INTS2: variants seen among roughly 807,000 people sequenced by gnomAD.
INTS2 encodes the protein integrator complex subunit 2, also known as KIAA1287.
INTS2 carries 57 observed loss-of-function variants against 139.6 expected under a neutral mutation model. The observed-to-expected ratio is 0.41, with a 90% confidence interval of 0.33 to 0.51. The LOEUF (loss-of-function observed/expected upper bound fraction) is 0.51. Among genes scored for constraint, INTS2 ranks in the 20% least tolerant of loss-of-function variants. The pLI, the probability that INTS2 is intolerant of heterozygous loss-of-function variation, is 0.28. For missense variants in INTS2, 1,196 were observed against 1,436.7 expected, an observed-to-expected ratio of 0.83 and a Z score of 2.71; for synonymous variants, 473 against 493.4, an observed-to-expected ratio of 0.96 and a Z score of 0.55.
chr17:61,900,672 A>C (rs1029181238), intron 9 of INTS2, among the ~76,000 whole-genome samples: 8 of 152,088 alleles, frequency 5.3e-5, no homozygotes, highest in African/African-American at 1.9e-4. Context: ...AAATATGAAC[A>C]ATCGGCCAGA....
intron 14 of INTS2, 142 bp from the exon 15 acceptor site, chr17:61,890,036 T>C: frequency 3.4e-6 from 2 of 591,534 alleles, no homozygotes; most frequent in South Asian, 3.8e-5. Flanking sequence ...TTGCTGTGTG[T>C]GTATTAAACT....
At chr17:61,923,425 C>G (rs71375125) in intron 3 of INTS2, among the ~76,000 whole-genome samples, 2 of 133,700 alleles carry the variant, frequency 1.5e-5, no homozygotes, top group East Asian at 4.7e-4. Flanking sequence ...TGCAGTGAGC[C>G]GAGATTGTGC....
At chr17:61,890,658 T>G (rs1289693125) in intron 14 of INTS2, among the ~76,000 whole-genome samples, 1 of 150,874 alleles carries the variant, frequency 6.6e-6, no homozygotes, top group Non-Finnish European at 1.5e-5. Flanking sequence ...GTATCTTAGA[T>G]TCCCAGGATG....
rs1375574236 is a variant in INTS2 at position 61,876,540 on chromosome 17, G to A, written c.2456+1347C>T. 6.6e-6 allele frequency among the ~76,000 whole-genome samples: 1 copy of A among 151,994 alleles called. No homozygotes were observed. The highest frequency in any genetic ancestry group is 2.4e-5 in the African/African-American group (1 of 41,380). On this transcript the variant is annotated intron_variant, in intron 18 of 24. Coordinates refer to ENST00000251334, the MANE Select transcript of INTS2 (RefSeq NM_001351695.2). The surrounding 1 kb of genome is among the most constrained non-coding windows in gnomAD (Gnocchi z 4.1). ...TGAAGCCTCCATCTCCTGGGCTCAAGCGATCGTCCTGCCTCAGCCCACCAA... is the reference window on the plus strand; with the variant it reads ...TGAAGCCTCCATCTCCTGGGCTCAAACGATCGTCCTGCCTCAGCCCACCAA...
intron 17 of INTS2, among the ~76,000 whole-genome samples, chr17:61,879,280 T>C (rs1425204954): frequency 6.6e-6 from 1 of 152,058 alleles, no homozygotes; most frequent in Non-Finnish European, 1.5e-5. Flanking sequence ...TTTTGATAGC[T>C]AACATTTATT....
chr17:61,870,049 GATTTT>G lies in INTS2; in HGVS notation c.2779-66_2779-62del. 1 of 1,445,336 alleles carries G rather than the reference GATTTT, an allele frequency of 6.9e-7. No individual in the cohort carries two copies. The highest frequency in any genetic ancestry group is 1.3e-5 in the South Asian group (1 of 77,532). 89.5% of individuals were successfully genotyped at this position (1,445,336 alleles called of 1,614,324 possible). On this transcript the variant is annotated intron_variant, in intron 20 of 24. Transcript: ENST00000251334. The surrounding 1 kb of genome is among the most constrained non-coding windows in gnomAD (Gnocchi z 4.4). ...TTCTAAGAAGTTAAAAAACAAATCA[GATTTT>G]ATTTTCACATGAACAGATATGATAA...
At chr17:61,874,785 G>T in intron 19 of INTS2, 128 bp downstream of exon 19, 1 of 565,282 alleles carries the variant, frequency 1.8e-6, no homozygotes, top group Non-Finnish European at 2.7e-6. Context: ...ACAAAAAACC[G>T]CACAGGTCAC....
intron 2 of INTS2, among the ~76,000 whole-genome samples, chr17:61,926,008 A>G (rs1054007788): frequency 6.6e-6 from 1 of 151,830 alleles, no homozygotes; most frequent in Non-Finnish European, 1.5e-5. Context: ...CCTGGGCAAC[A>G]AGAGCGAAAC....
In INTS2 at chr17:61,868,681, G is replaced by T. The variant is rs1172116842; in HGVS notation, c.3244+353C>A. On this transcript the variant is annotated intron_variant, in intron 23 of 24. Transcript: ENST00000251334. This position sits in a 1 kb window ranked among gnomAD's most constrained non-coding sequence, Gnocchi z 4.7. ...TATTTTTCTGGAACTCTGAGCATTT[G>T]TAATAAATGAACATTTGTTATCTAC... Among the ~76,000 whole-genome samples, 2 of 152,056 alleles carry T rather than the reference G, an allele frequency of 1.3e-5. No homozygotes were observed. Among genetic ancestry groups the T allele is most frequent in the Admixed American group, 6.5e-5 (1 of 15,268 alleles).
chr17:61,906,900 G>GTTACAGTGAGCCGAGA (rs1295099909), intron 8 of INTS2, among the ~76,000 whole-genome samples: 7 of 130,148 alleles, frequency 5.4e-5, no homozygotes, highest in Non-Finnish European at 1.1e-4. Flanking sequence ...GGAGGCAGAG[G>GTTACAGTGAGCCGAGA]TTACAGTGAG....
Position 61,875,574 on chromosome 17 carries a change from G to C in INTS2, c.2457-536C>G, listed in dbSNP as rs1001292490. On this transcript the variant is annotated intron_variant, in intron 18 of 24. Transcript: ENST00000251334. This position sits in a 1 kb window ranked among gnomAD's most constrained non-coding sequence, Gnocchi z 4.6. The stretch of plus-strand genomic sequence containing the variant: ...ATGACTGCACATCATAATTACTAAG[G>C]GTTATGCAAATACAGAAGGTACTTG... 6.6e-6 allele frequency among the ~76,000 whole-genome samples: 1 copy of C among 152,022 alleles called. No individual in the cohort carries two copies. Among genetic ancestry groups the C allele is most frequent in the Non-Finnish European group, 1.5e-5 (1 of 68,028 alleles).
At chr17:61,883,783 T>C (rs943723423) in intron 16 of INTS2, among the ~76,000 whole-genome samples, 2 of 145,868 alleles carry the variant, frequency 1.4e-5, no homozygotes, top group African/African-American at 5.1e-5. Context: ...AAAAAGAAAA[T>C]TCCAACTTAA....
chr17:61,877,997 C>A lies in INTS2; in HGVS notation c.2346G>T (p.Ala782=). Reference sequence around the variant, plus strand: ...GGCTCATATTGGATGTTAACACTTCCGCATATGGTATAAGTTCACTGGCAG... The same window carrying A: ...GGCTCATATTGGATGTTAACACTTCAGCATATGGTATAAGTTCACTGGCAG... ...LLSASELIPY[A]EVLTSNMSQL... The change falls in exon 18 of 25, where the codon GCG becomes GCT. Residue 782 remains alanine, a synonymous_variant. Transcript: ENST00000251334. 1 of 1,612,618 alleles carries A rather than the reference C, an allele frequency of 6.2e-7. No homozygotes were observed. Among genetic ancestry groups the A allele is most frequent in the East Asian group, 2.2e-5 (1 of 44,850 alleles).
intron 5 of INTS2, among the ~76,000 whole-genome samples, chr17:61,918,309 T>A (rs1268564087): frequency 6.6e-6 from 1 of 152,118 alleles, no homozygotes; most frequent in Non-Finnish European, 1.5e-5. Flanking sequence ...GTGGCACATA[T>A]CGGCTCGCTG....
At chr17:61,902,871 A>C (rs1342156121) in intron 9 of INTS2, among the ~76,000 whole-genome samples, 3 of 151,406 alleles carry the variant, frequency 2.0e-5, no homozygotes, top group Non-Finnish European at 1.5e-5. Flanking sequence ...AAAAAAAAAA[A>C]AAAAAAAAAC....
chr17:61,908,398 GA>G (rs2079488823), intron 7 of INTS2, among the ~76,000 whole-genome samples: 1 of 152,114 alleles, frequency 6.6e-6, no homozygotes, highest in Non-Finnish European at 1.5e-5. Context: ...CTGGGCAACA[GA>G]GTGATACTCT....
chr17:61,891,487 T>A, intron 14 of INTS2, 26 bp downstream of exon 14: 1 of 1,534,562 alleles, frequency 6.5e-7, no homozygotes, highest in Middle Eastern at 1.7e-4. Context: ...AATAAGTTAA[T>A]AGATATAAAA....
chr17:61,910,714 T>C (rs1369511820), intron 7 of INTS2: 1 of 152,202 alleles, frequency 6.6e-6, no homozygotes, highest in Non-Finnish European at 1.5e-5. Flanking sequence ...TTATGTTATG[T>C]ATATTTTACC....
chr17:61,924,306 T>A (rs538061821), intron 3 of INTS2, among the ~76,000 whole-genome samples: 2 of 152,204 alleles, frequency 1.3e-5, no homozygotes, highest in South Asian at 4.1e-4. Context: ...CATAAAGGTA[T>A]TATCTGCTAA....
Sources: gnomAD v4.1 joint callset for allele counts (sites outside exome capture counted in the v4.1 genomes callset) on GRCh38, gnomAD v4.1.1 for gene constraint, Gnocchi (gnomAD v3.1) non-coding constraint, MANE v1.5 for transcripts, NCBI Gene and HGNC (gene_info 2026-07-23, HGNC 2026-07-21) for gene names.